Variants in SP140 observed in about 807,000 individuals in gnomAD.
SP140 encodes the protein nuclear body protein SP140.
In SP140, 81 loss-of-function variants were observed where a neutral mutation model predicts 125.0. The ratio of observed to expected loss-of-function variants is 0.65; its 90% CI spans 0.54 to 0.78. The LOEUF is 0.78. Among genes scored for constraint, SP140 ranks in the 30% least tolerant of loss-of-function variants. The pLI is 0.00. For missense variants in SP140, 858 were observed against 1,037.0 expected (o/e 0.83, Z 2.37); for synonymous variants, 312 against 354.0 (o/e 0.88, Z 1.33).
intron 1 of SP140, among the ~76,000 whole-genome samples, chr2:230,236,804 G>C (rs1269526236): frequency 6.6e-6 from 1 of 152,150 alleles, no homozygotes; most frequent in East Asian, 1.9e-4. Context: ...ATTTTCCCTA[G>C]AGAGTTCAGG....
At chr2:230,284,314 G>A (rs763493735) in intron 15 of SP140, 32 bp from the exon 16 acceptor site, 7 of 1,567,618 alleles carry the variant, frequency 4.5e-6, no homozygotes, top group Admixed American at 1.8e-5. Context: ...TTATACCTCT[G>A]CATAATTAAC....
At chr2:230,245,834 G>A (rs1322611896) in intron 6 of SP140, 29 bp from the exon 7 acceptor site, 14 of 1,480,220 alleles carry the variant, frequency 9.5e-6, no homozygotes, top group South Asian at 4.5e-5. Flanking sequence ...ACTGCCAATT[G>A]TCTGTCATGT....
downstream of SP140, among the ~76,000 whole-genome samples, chr2:230,313,482 G>T (rs2059453804): frequency 6.6e-6 from 1 of 152,202 alleles, no homozygotes; most frequent in African/African-American, 2.4e-5. Context: ...CTGAAAGCAG[G>T]ACCAAAGGTA....
chr2:230,186,227 T>G, the SP140 span: 1 of 1,301,552 alleles, frequency 7.7e-7, no homozygotes, highest in Non-Finnish European at 1.1e-6. Context: ...TATCTTGCCA[T>G]TTCTCTATAA....
At chr2:230,278,989 G>GGTTGCA (rs1288116191) in intron 15 of SP140, among the ~76,000 whole-genome samples, 1 of 152,026 alleles carries the variant, frequency 6.6e-6, no homozygotes, top group African/African-American at 2.4e-5. Flanking sequence ...GAATTAGTAA[G>GGTTGCA]GTTGCAGAAT....
At position 230,312,783 on chromosome 2, in the gene SP140, A is replaced by T; in HGVS notation, c.*99A>T. 1 of 827,628 alleles carries T rather than the reference A, an allele frequency of 1.2e-6. No homozygotes were observed. Among genetic ancestry groups the T allele is most frequent in the East Asian group, 2.6e-5 (1 of 37,944 alleles). The allele number at this position is 827,628 out of a possible 1,614,324, so 51.3% of individuals were successfully genotyped here. On this transcript the variant is annotated 3_prime_UTR_variant, in exon 27 of 27. Coordinates refer to ENST00000392045, the MANE Select transcript of SP140 (RefSeq NM_007237.5). ...AAATGAGGTCACTTGGGCACAGCAC[A>T]TGCAGGGAGGGGCTTTTCTCTGAGC...
chr2:230,210,118 C>G (rs993690618), intron 1 of SP140: 1 of 779,650 alleles, frequency 1.3e-6, no homozygotes, highest in African/African-American at 1.7e-5. Flanking sequence ...AGCCCAGGGC[C>G]GGGAATCTGC....
intron 15 of SP140, among the ~76,000 whole-genome samples, chr2:230,278,462 T>C (rs1468331161): frequency 2.6e-5 from 4 of 152,064 alleles, no homozygotes; most frequent in Admixed American, 2.6e-4. Flanking sequence ...CCTTTTCATT[T>C]TTACAATTAT....
chr2:230,212,744 T>A, intron 1 of SP140: 2 of 1,613,718 alleles, frequency 1.2e-6, no homozygotes, highest in South Asian at 1.1e-5. Context: ...AGGTGTTGGA[T>A]GGGATCTGTT....
intron 12 of SP140, among the ~76,000 whole-genome samples, chr2:230,269,157 C>T (rs1356959341): frequency 6.6e-6 from 1 of 152,016 alleles, no homozygotes; most frequent in Non-Finnish European, 1.5e-5. Context: ...TGTAGAACTG[C>T]CAGTAATGGG....
intron 12 of SP140, among the ~76,000 whole-genome samples, chr2:230,261,655 A>G (rs2052269359): frequency 6.6e-6 from 1 of 152,104 alleles, no homozygotes; most frequent in Admixed American, 6.6e-5. Context: ...GAGAGTTTTA[A>G]TCATAAGGAG....
chr2:230,200,705 T>C (rs2043090910), upstream of SP140: 1 of 634,986 alleles, frequency 1.6e-6, no homozygotes. Context: ...AAAATGGACA[T>C]ATATTTGTAG....
intron 23 of SP140, 94 bp from the exon 24 acceptor site, chr2:230,310,649 A>AT: frequency 6.5e-7 from 1 of 1,537,382 alleles, no homozygotes; most frequent in Non-Finnish European, 8.8e-7. Context: ...GACTGAGCCC[A>AT]TCAGCCATTC....
intron 12 of SP140, among the ~76,000 whole-genome samples, chr2:230,256,386 A>ATTT (rs1301010256): frequency 0.011 from 1,706 of 152,208 alleles, 22 homozygotes; most frequent in African/African-American, 0.03. Context: ...ACATGGATGA[A>ATTT]GCTGGAAACC....
At chr2:230,259,060 C>T (rs1207712345) in intron 12 of SP140, among the ~76,000 whole-genome samples, 4 of 152,110 alleles carry the variant, frequency 2.6e-5, no homozygotes, top group Non-Finnish European at 5.9e-5. Context: ...TGAAGTGATA[C>T]CCCTAGAGCA....
At chr2:230,259,186 G>T (rs1218279568) in intron 12 of SP140, among the ~76,000 whole-genome samples, 2 of 151,840 alleles carry the variant, frequency 1.3e-5, no homozygotes, top group Non-Finnish European at 2.9e-5. Context: ...TGAGATTTTG[G>T]TGCACCCATC....
chr2:230,262,615 T>C (rs1289572138), intron 12 of SP140, among the ~76,000 whole-genome samples: 1 of 152,170 alleles, frequency 6.6e-6, no homozygotes, highest in Non-Finnish European at 1.5e-5. Context: ...TAGCACCGCC[T>C]TTGCTCTATC....
In SP140 at chr2:230,238,322, G is replaced by T; in HGVS notation, c.347G>T (p.Ser116Ile). 6.2e-7 allele frequency: 1 copy of T among 1,614,016 alleles called. No homozygotes were observed. Among genetic ancestry groups the T allele is most frequent in the South Asian group, 1.1e-5 (1 of 91,072 alleles). ...FGWSHLEALF[S>I]RINLMAYPDL... The stretch of plus-strand genomic sequence containing the variant: ...TGGTCACATCTGGAAGCATTGTTCA[G>T]CAGGATTAACCTGATGGCCTATCCT... Residue 116 changes from serine to isoleucine, a missense_variant, in exon 3 of 27, where the codon AGC (serine) becomes ATC (isoleucine). This residue lies in a region of SP140 where 791 missense variants were observed against 869.5 expected (regional missense o/e 0.91). Transcript: ENST00000392045.
At chr2:230,228,287 G>A (rs557125595) in intron 1 of SP140, among the ~76,000 whole-genome samples, 3 of 152,226 alleles carry the variant, frequency 2.0e-5, no homozygotes, top group South Asian at 2.1e-4. Context: ...ATTTGTTAAG[G>A]TATGTTTTAT....
Sources: allele counts gnomAD v4.1 joint callset (sites outside exome capture counted in the v4.1 genomes callset), GRCh38; gene constraint gnomAD v4.1.1; regional missense constraint gnomAD v4.1.1; transcripts MANE v1.5; gene names NCBI Gene and HGNC (gene_info 2026-07-23, HGNC 2026-07-21).